Variants in DGKB observed in about 807,000 individuals in gnomAD.
The protein encoded by DGKB is 90 kDa diacylglycerol kinase.
Under a neutral mutation model 114.3 loss-of-function variants are expected in DGKB, and 67 were observed. That is an observed-to-expected ratio of 0.59 (90% CI 0.48 to 0.72). DGKB has a LOEUF of 0.72. DGKB is among the 30% of genes least tolerant of loss of function. The pLI is 0.00. For synonymous variants in DGKB, 398 were observed against 323.1 expected, an observed-to-expected ratio of 1.23 and a Z score of -2.49; for missense variants, 907 against 975.2, an observed-to-expected ratio of 0.93 and a Z score of 0.93.
intron 23 of DGKB, among the ~76,000 whole-genome samples, chr7:14,311,394 T>C (rs971071024): frequency 5.3e-5 from 8 of 152,180 alleles, no homozygotes; most frequent in African/African-American, 1.7e-4. Flanking sequence ...AGCCATCAAC[T>C]GTCGCTTCAC....
intron 20 of DGKB, among the ~76,000 whole-genome samples, chr7:14,529,355 T>A (rs1352836021): frequency 1.3e-5 from 2 of 151,912 alleles, no homozygotes; most frequent in African/African-American, 2.4e-5. Flanking sequence ...ACTATTTTGT[T>A]GAGCAGTGAT....
At chr7:14,603,064 T>C (rs753880788) in intron 17 of DGKB, among the ~76,000 whole-genome samples, 2 of 152,120 alleles carry the variant, frequency 1.3e-5, no homozygotes, top group Admixed American at 6.6e-5. Flanking sequence ...AGGGGGAAAT[T>C]TGTGTGAAAG....
intron 22 of DGKB, 86 bp from the exon 23 acceptor site, chr7:14,338,796 T>C (rs935291890): frequency 1.1e-6 from 1 of 869,738 alleles, no homozygotes; most frequent in Non-Finnish European, 1.6e-6. Flanking sequence ...CATCTTTTAA[T>C]AAGTGCGTTG....
At chr7:14,172,777 G>C (rs1781197149) in intron 25 of DGKB, among the ~76,000 whole-genome samples, 1 of 152,072 alleles carries the variant, frequency 6.6e-6, no homozygotes, top group Non-Finnish European at 1.5e-5. Flanking sequence ...TAGTAAAGGG[G>C]TGCTGGTTGT....
intron 2 of DGKB, among the ~76,000 whole-genome samples, chr7:14,769,083 A>C (rs1836901159): frequency 8.3e-6 from 1 of 120,350 alleles, no homozygotes; most frequent in South Asian, 2.6e-4. Context: ...GAAAGAAAGA[A>C]AGAAAGAAAG....
intron 15 of DGKB, among the ~76,000 whole-genome samples, chr7:14,617,101 C>T (rs991886002): frequency 2.6e-5 from 4 of 151,682 alleles, no homozygotes; most frequent in Non-Finnish European, 3.0e-5. Context: ...TATATACACA[C>T]TCTGTCCTTT....
At chr7:14,741,279 C>A (rs1295293166) in intron 4 of DGKB, among the ~76,000 whole-genome samples, 1 of 152,164 alleles carries the variant, frequency 6.6e-6, no homozygotes, top group African/African-American at 2.4e-5. Context: ...TTTGGCCTCC[C>A]TCTCCCTGTG....
At chr7:14,301,053 T>A (rs369548196) in intron 23 of DGKB, among the ~76,000 whole-genome samples, 1 of 152,248 alleles carries the variant, frequency 6.6e-6, no homozygotes, top group East Asian at 1.9e-4. Context: ...GTAATATATT[T>A]GTATATATTT....
intron 2 of DGKB, among the ~76,000 whole-genome samples, chr7:14,792,954 A>C (rs1420573852): frequency 6.6e-6 from 1 of 152,192 alleles, no homozygotes; most frequent in Admixed American, 6.5e-5. Context: ...TTTGGCAGAA[A>C]GACTAATATT....
intron 25 of DGKB, among the ~76,000 whole-genome samples, chr7:14,158,557 T>C (rs985906313): frequency 6.6e-6 from 1 of 152,194 alleles, no homozygotes; most frequent in Admixed American, 6.5e-5. Context: ...TGGAGCATCA[T>C]AGCACTGATC....
At chr7:14,160,961 A>G (rs1240864069) in intron 25 of DGKB, among the ~76,000 whole-genome samples, 1 of 152,182 alleles carries the variant, frequency 6.6e-6, no homozygotes, top group Non-Finnish European at 1.5e-5. Context: ...AAACAAATCT[A>G]CAAGAAAAAA....
chr7:14,948,581 A>G (rs1214503530), intron 1 of DGKB, among the ~76,000 whole-genome samples: 1 of 151,916 alleles, frequency 6.6e-6, no homozygotes, highest in African/African-American at 2.4e-5. Context: ...AATCTTTCAC[A>G]TTAATCTAAA....
intron 21 of DGKB, among the ~76,000 whole-genome samples, chr7:14,378,594 G>T (rs1051189698): frequency 2.6e-5 from 4 of 152,130 alleles, no homozygotes; most frequent in African/African-American, 9.7e-5. Flanking sequence ...ATCAATATTT[G>T]TAGAGGATAG....
At chr7:14,486,152 T>C (rs1054432181) in intron 20 of DGKB, among the ~76,000 whole-genome samples, 1 of 152,194 alleles carries the variant, frequency 6.6e-6, no homozygotes, top group Non-Finnish European at 1.5e-5. Context: ...CTGGGTTATC[T>C]GTGAGATAAG....
chr7:14,566,978 A>G (rs575401110), intron 20 of DGKB, among the ~76,000 whole-genome samples: 1 of 148,206 alleles, frequency 6.7e-6, no homozygotes, highest in South Asian at 2.1e-4. Context: ...ATAATTTTCA[A>G]AAATGTTGTA....
At chr7:14,702,076 G>A (rs1323162489) in intron 6 of DGKB, among the ~76,000 whole-genome samples, 1 of 152,134 alleles carries the variant, frequency 6.6e-6, no homozygotes, top group African/African-American at 2.4e-5. Flanking sequence ...AAAGAGCAGA[G>A]TGCATAAGGA....
chr7:14,968,496 T>C (rs145760235), intron 1 of DGKB, among the ~76,000 whole-genome samples: 3 of 152,272 alleles, frequency 2.0e-5, no homozygotes, highest in East Asian at 1.9e-4. Context: ...TGATTGGAAA[T>C]ATAAAAATCC....
intron 17 of DGKB, among the ~76,000 whole-genome samples, chr7:14,599,112 T>G (rs1444198849): frequency 6.6e-6 from 1 of 152,216 alleles, no homozygotes; most frequent in Admixed American, 6.5e-5. Flanking sequence ...TCTTACACAT[T>G]ACAAGAGGAT....
chr7:14,350,507 C>T (rs979265623), intron 21 of DGKB, among the ~76,000 whole-genome samples: 7 of 151,766 alleles, frequency 4.6e-5, no homozygotes, highest in African/African-American at 1.2e-4. Flanking sequence ...ATACAGAGGG[C>T]GATGAAATTA....
Sources: allele counts gnomAD v4.1 joint callset (sites outside exome capture counted in the v4.1 genomes callset), GRCh38; gene constraint gnomAD v4.1.1; transcripts MANE v1.5; gene names NCBI Gene and HGNC (gene_info 2026-07-23, HGNC 2026-07-21).